Variants in LDLRAD3 observed in about 807,000 individuals in gnomAD.
LDLRAD3 encodes low-density lipoprotein receptor class A domain-containing protein 3.
A neutral mutation model predicts 29.4 loss-of-function variants in LDLRAD3; 20 were observed. The ratio of observed to expected loss-of-function variants is 0.68; its 90% CI spans 0.48 to 0.99. The LOEUF is 0.99. Ranked by LOEUF, LDLRAD3 falls within the 50% of genes least tolerant of loss-of-function variation. LDLRAD3 has a pLI of 0.00. For missense variants in LDLRAD3, 420 were observed against 454.3 expected, an observed-to-expected ratio of 0.92 and a Z score of 0.69; for synonymous variants, 157 against 192.7, an observed-to-expected ratio of 0.81 and a Z score of 1.53.
intron 4 of LDLRAD3, among the ~76,000 whole-genome samples, chr11:36,113,665 A>C (rs1853635747): frequency 6.7e-6 from 1 of 148,262 alleles, no homozygotes; most frequent in Non-Finnish European, 1.5e-5. Flanking sequence ...GAAATCACAT[A>C]GCATCACTTT....
chr11:36,195,761 A>C (rs1024064436), intron 4 of LDLRAD3, among the ~76,000 whole-genome samples: 10 of 152,256 alleles, frequency 6.6e-5, no homozygotes, highest in African/African-American at 2.4e-4. Flanking sequence ...TCAGTCACCC[A>C]AGACACTTGA....
At position 35,974,867 on chromosome 11, in the gene LDLRAD3, G is replaced by A. The variant is rs535121374; in HGVS notation, c.46+30723G>A. Reference sequence around the variant, plus strand: ...ATGATGCCAAGAGGTGAAGACCATGGTGGGGCCTTAAGAGTCCACCTGCCA... The same window carrying A: ...ATGATGCCAAGAGGTGAAGACCATGATGGGGCCTTAAGAGTCCACCTGCCA... On this transcript the variant is annotated intron_variant, in intron 1 of 5. Coordinates refer to ENST00000315571, the MANE Select transcript of LDLRAD3 (RefSeq NM_174902.4). Among the ~76,000 whole-genome samples the A allele has an allele frequency of 2.0e-5, 3 of 152,348 alleles. No homozygotes were observed. The South Asian group carries it at 6.2e-4, about 32-fold the overall frequency.
intron 1 of LDLRAD3, among the ~76,000 whole-genome samples, chr11:36,009,701 T>C (rs1377591244): frequency 6.6e-6 from 1 of 152,244 alleles, no homozygotes; most frequent in East Asian, 1.9e-4. Context: ...GTTGCAGAAA[T>C]TCAATCCATG....
At chr11:36,088,621 C>T (rs1853230964) in intron 3 of LDLRAD3, among the ~76,000 whole-genome samples, 1 of 152,154 alleles carries the variant, frequency 6.6e-6, no homozygotes, top group Non-Finnish European at 1.5e-5. Context: ...GTCCCCATTT[C>T]CTCTTCACCT....
intron 1 of LDLRAD3, among the ~76,000 whole-genome samples, chr11:36,034,638 G>A (rs1355234636): frequency 6.6e-6 from 1 of 152,186 alleles, no homozygotes; most frequent in African/African-American, 2.4e-5. Context: ...TTGCTTGCCT[G>A]TGACGGTGTC....
intron 2 of LDLRAD3, among the ~76,000 whole-genome samples, chr11:36,078,469 T>G (rs927081311): frequency 6.6e-6 from 1 of 152,192 alleles, no homozygotes; most frequent in African/African-American, 2.4e-5. Flanking sequence ...GCCCTGAGCG[T>G]GCACACATCC....
At chr11:36,072,471 G>A (rs1852922691) in intron 2 of LDLRAD3, among the ~76,000 whole-genome samples, 1 of 152,198 alleles carries the variant, frequency 6.6e-6, no homozygotes, top group South Asian at 2.1e-4. Flanking sequence ...CATGATGTCT[G>A]GGGAAGAGCC....
chr11:36,045,198 C>T (rs1852432397), intron 2 of LDLRAD3, among the ~76,000 whole-genome samples: 1 of 152,216 alleles, frequency 6.6e-6, no homozygotes, highest in African/African-American at 2.4e-5. Flanking sequence ...CACCTACATA[C>T]AGACGTTTCC....
chr11:36,092,830 G>T (rs1297802814), intron 3 of LDLRAD3, among the ~76,000 whole-genome samples: 1 of 152,170 alleles, frequency 6.6e-6, no homozygotes, highest in Non-Finnish European at 1.5e-5. Context: ...GAAGCTCCTG[G>T]CACTTTCAAG....
chr11:36,093,726 G>A (rs1403826150), intron 3 of LDLRAD3, among the ~76,000 whole-genome samples: 2 of 152,166 alleles, frequency 1.3e-5, no homozygotes, highest in Non-Finnish European at 2.9e-5. Flanking sequence ...TGTCCAAGAA[G>A]AATGAGATAT....
intron 4 of LDLRAD3, among the ~76,000 whole-genome samples, chr11:36,148,445 C>T (rs996523709): frequency 6.6e-6 from 1 of 152,146 alleles, no homozygotes; most frequent in Non-Finnish European, 1.5e-5. Context: ...CTTTTCTATT[C>T]CCTAACGAGG....
intron 1 of LDLRAD3, among the ~76,000 whole-genome samples, chr11:36,008,332 T>C (rs1350089442): frequency 6.6e-6 from 1 of 152,064 alleles, no homozygotes; most frequent in Non-Finnish European, 1.5e-5. Flanking sequence ...GAGAGTGCAG[T>C]TGTACCTCAA....
intron 1 of LDLRAD3, among the ~76,000 whole-genome samples, chr11:35,989,192 G>T (rs1037939300): frequency 6.6e-6 from 1 of 152,066 alleles, no homozygotes; most frequent in African/African-American, 2.4e-5. Flanking sequence ...AGGTGTGCAG[G>T]TTTATTTCTG....
At chr11:36,139,181 G>A (rs146865621) in intron 4 of LDLRAD3, among the ~76,000 whole-genome samples, 8 of 152,270 alleles carry the variant, frequency 5.3e-5, no homozygotes, top group Non-Finnish European at 8.8e-5. Flanking sequence ...CATCTCTGAG[G>A]TCTATCCATT....
intron 4 of LDLRAD3, chr11:36,197,663 A>C (rs1044225849): frequency 6.6e-6 from 1 of 152,310 alleles, no homozygotes; most frequent in Non-Finnish European, 1.5e-5. Context: ...TGCTGGGAAC[A>C]AAGTTGTCCA....
chr11:36,014,894 A>G (rs567074218), intron 1 of LDLRAD3, among the ~76,000 whole-genome samples: 73 of 152,352 alleles, frequency 4.8e-4, no homozygotes, highest in African/African-American at 1.5e-3. Flanking sequence ...TGTTTAAACA[A>G]AAGAAGGGGG....
chr11:35,991,798 C>T (rs1851693293), intron 1 of LDLRAD3, among the ~76,000 whole-genome samples: 1 of 151,784 alleles, frequency 6.6e-6, no homozygotes, highest in South Asian at 2.1e-4. Context: ...CTTCTTACAT[C>T]AGCTTTTCGA....
chr11:36,169,543 A>G (rs890707967), intron 4 of LDLRAD3, among the ~76,000 whole-genome samples: 2 of 152,120 alleles, frequency 1.3e-5, no homozygotes, highest in Non-Finnish European at 2.9e-5. Flanking sequence ...GAGAACATGT[A>G]ATATTTGTGT....
intron 2 of LDLRAD3, among the ~76,000 whole-genome samples, chr11:36,038,553 C>T (rs1852334569): frequency 6.6e-6 from 1 of 152,194 alleles, no homozygotes; most frequent in Non-Finnish European, 1.5e-5. Flanking sequence ...GATATTAGTG[C>T]ATTCTATGGC....
Sources: allele counts gnomAD v4.1 joint callset (sites outside exome capture counted in the v4.1 genomes callset), GRCh38; gene constraint gnomAD v4.1.1; transcripts MANE v1.5; gene names NCBI Gene and HGNC (gene_info 2026-07-23, HGNC 2026-07-21).